Variants in GABRB3 observed in about 807,000 individuals in gnomAD.
GABRB3 encodes gamma-aminobutyric acid receptor subunit beta-3.
GABRB3 carries 14 observed loss-of-function variants against 52.1 expected under a neutral mutation model. The ratio of observed to expected loss-of-function variants is 0.27; its 90% CI spans 0.18 to 0.42. The LOEUF (loss-of-function observed/expected upper bound fraction) is 0.42. GABRB3 is among the 10% of genes least tolerant of loss of function. The pLI is 1.00. For synonymous variants in GABRB3, 260 were observed against 232.3 expected, an observed-to-expected ratio of 1.12 and a Z score of -1.08; for missense variants, 307 against 609.1, an observed-to-expected ratio of 0.50 and a Z score of 5.22.
At chr15:26,611,484 A>G (rs192976017) in intron 4 of GABRB3, among the ~76,000 whole-genome samples, 118 of 152,294 alleles carry the variant, frequency 7.7e-4, no homozygotes, top group African/African-American at 2.6e-3. Context: ...AAATACGCCA[A>G]AGAAGATGTG....
At chr15:26,731,397 T>A (rs1282103535) in intron 3 of GABRB3, among the ~76,000 whole-genome samples, 2 of 152,320 alleles carry the variant, frequency 1.3e-5, no homozygotes, top group African/African-American at 4.8e-5. Flanking sequence ...AATTCTTGAG[T>A]TGAATAAAAC....
chr15:26,597,697 C>G (rs1891445138), intron 4 of GABRB3, among the ~76,000 whole-genome samples: 1 of 152,252 alleles, frequency 6.6e-6, no homozygotes, highest in Non-Finnish European at 1.5e-5. Flanking sequence ...ACTGGCTCCA[C>G]CACCAATACC....
At chr15:26,766,127 A>G (rs898388337) in intron 3 of GABRB3, among the ~76,000 whole-genome samples, 3 of 152,218 alleles carry the variant, frequency 2.0e-5, no homozygotes, top group African/African-American at 7.2e-5. Flanking sequence ...GTTAGTTACC[A>G]ACTCCCTAGG....
In GABRB3 at chr15:26,703,751, T is replaced by C. The variant is rs553173948; in HGVS notation, c.240+68651A>G. Among the ~76,000 whole-genome samples the C allele has an allele frequency of 3.9e-4, 59 of 152,176 alleles. 1 individual carries two copies. Among genetic ancestry groups the C allele is most frequent in the Admixed American group, 1.2e-3 (19 of 15,286 alleles). ...AACAGGGTAACAGGTCCCAAGTAAGTCCAAAACCCAAAGGGGGCAAGCATT... is the reference window on the plus strand; with the variant it reads ...AACAGGGTAACAGGTCCCAAGTAAGCCCAAAACCCAAAGGGGGCAAGCATT... On this transcript the variant is annotated intron_variant, in intron 3 of 8. Coordinates refer to ENST00000311550, the MANE Select transcript of GABRB3 (RefSeq NM_000814.6).
chr15:26,601,437 C>T (rs1834533), intron 4 of GABRB3, among the ~76,000 whole-genome samples: 46,912 of 151,588 alleles, frequency 0.31, 8,175 homozygotes, highest in East Asian at 0.79. Flanking sequence ...TGAAAGGATT[C>T]AAGGCATACT....
At chr15:26,645,200 C>T (rs776083298) in intron 3 of GABRB3, among the ~76,000 whole-genome samples, 79 of 152,134 alleles carry the variant, frequency 5.2e-4, no homozygotes, top group African/African-American at 1.9e-3. Flanking sequence ...TATGATTGCA[C>T]GACGCACTAC....
At chr15:26,600,531 G>A (rs1379488723) in intron 4 of GABRB3, among the ~76,000 whole-genome samples, 1 of 152,148 alleles carries the variant, frequency 6.6e-6, no homozygotes, top group Non-Finnish European at 1.5e-5. Context: ...ACTATCAGCA[G>A]ACTTATCAAC....
chr15:26,599,424 G>C (rs1891508448), intron 4 of GABRB3, among the ~76,000 whole-genome samples: 1 of 152,170 alleles, frequency 6.6e-6, no homozygotes, highest in Admixed American at 6.5e-5. Flanking sequence ...CTGCAGCCCT[G>C]CTCAACTACA....
chr15:26,554,176 G>GAGTGTATATA (rs71420007), intron 8 of GABRB3, among the ~76,000 whole-genome samples: 14 of 27,342 alleles, frequency 5.1e-4, no homozygotes, highest in African/African-American at 1.6e-3. Context: ...TATATATAAA[G>GAGTGTATATA]TATATATATA....
At chr15:26,563,829 G>A (rs753521876) in intron 7 of GABRB3, among the ~76,000 whole-genome samples, 1 of 151,872 alleles carries the variant, frequency 6.6e-6, no homozygotes, top group Admixed American at 6.5e-5. Flanking sequence ...AAGTCTTTCT[G>A]TAAATTGCTA....
chr15:26,594,118 C>T (rs1891309260), intron 4 of GABRB3, among the ~76,000 whole-genome samples: 1 of 150,430 alleles, frequency 6.6e-6, no homozygotes, highest in Non-Finnish European at 1.5e-5. Flanking sequence ...GTCTTTTTTC[C>T]TATTTCCTTT....
At chr15:26,635,987 T>C (rs907959194) in intron 3 of GABRB3, among the ~76,000 whole-genome samples, 5 of 152,208 alleles carry the variant, frequency 3.3e-5, no homozygotes, top group African/African-American at 4.8e-5. Context: ...ATAGTTGTCT[T>C]TTCTGAATTG....
chr15:26,681,947 G>C (rs990127863), intron 3 of GABRB3, among the ~76,000 whole-genome samples: 2 of 152,072 alleles, frequency 1.3e-5, no homozygotes, highest in Non-Finnish European at 2.9e-5. Flanking sequence ...GACAGAGTGA[G>C]ACTCTGTCTC....
intron 8 of GABRB3, among the ~76,000 whole-genome samples, chr15:26,550,399 C>T (rs1012713273): frequency 6.6e-6 from 1 of 152,100 alleles, no homozygotes; most frequent in Non-Finnish European, 1.5e-5. Context: ...AAAAAATGCT[C>T]AATATCACTC....
chr15:26,741,045 AGTGTGT>A (rs55860555), intron 3 of GABRB3, among the ~76,000 whole-genome samples: 146 of 55,298 alleles, frequency 2.6e-3, no homozygotes, highest in Admixed American at 6.8e-3. Flanking sequence ...GGGAGGAATA[AGTGTGT>A]GTGTGTGTGT....
intron 3 of GABRB3, among the ~76,000 whole-genome samples, chr15:26,766,287 G>A (rs549108591): frequency 1.3e-5 from 2 of 152,146 alleles, no homozygotes; most frequent in Non-Finnish European, 2.9e-5. Context: ...ACTCATAGAC[G>A]AAAAAGAAGA....
chr15:26,636,142 C>T (rs990419861), intron 3 of GABRB3, among the ~76,000 whole-genome samples: 2 of 152,116 alleles, frequency 1.3e-5, no homozygotes, highest in Non-Finnish European at 2.9e-5. Flanking sequence ...AGCACAGTGC[C>T]GAAGGAGGGA....
intron 6 of GABRB3, among the ~76,000 whole-genome samples, chr15:26,572,566 T>C (rs1890446913): frequency 6.6e-6 from 1 of 152,216 alleles, no homozygotes; most frequent in Non-Finnish European, 1.5e-5. Flanking sequence ...AGTATTTTTG[T>C]AGCTCCGGTA....
intron 3 of GABRB3, among the ~76,000 whole-genome samples, chr15:26,711,225 G>A (rs1299162350): frequency 6.6e-6 from 1 of 152,100 alleles, no homozygotes; most frequent in Non-Finnish European, 1.5e-5. Context: ...ATGTTTTTGA[G>A]GACATTGTCA....
Sources: allele counts gnomAD v4.1 joint callset (sites outside exome capture counted in the v4.1 genomes callset), GRCh38; gene constraint gnomAD v4.1.1; transcripts MANE v1.5; gene names NCBI Gene and HGNC (gene_info 2026-07-23, HGNC 2026-07-21).